Variants in HSD17B12 observed in about 807,000 individuals in gnomAD.
HSD17B12 encodes hydroxysteroid 17-beta dehydrogenase 12, also known as very-long-chain 3-oxoacyl-CoA reductase.
HSD17B12 carries 32 observed loss-of-function variants against 39.3 expected under a neutral mutation model. That is an observed-to-expected ratio of 0.81 (90% confidence interval 0.61 to 1.09). The LOEUF (loss-of-function observed/expected upper bound fraction) is 1.09. HSD17B12 is among the 50% of genes least tolerant of loss of function. HSD17B12 has a pLI of 0.00. For synonymous variants in HSD17B12, 150 were observed against 146.7 expected (o/e 1.02, Z -0.16); for missense variants, 342 against 382.9 (o/e 0.89, Z 0.89).
At chr11:43,594,478 A>C in the HSD17B12 span, among the ~76,000 whole-genome samples, 2 of 151,790 alleles carry the variant, frequency 1.3e-5, no homozygotes, top group African/African-American at 4.8e-5. Flanking sequence ...AAAATATTCT[A>C]TTAAATTTTT....
chr11:43,631,541 CTG>C, the HSD17B12 span, among the ~76,000 whole-genome samples: 12 of 151,316 alleles, frequency 7.9e-5, no homozygotes, highest in Non-Finnish European at 7.4e-5. Flanking sequence ...TTCTCTCTCT[CTG>C]TGTGTGTGTG....
intron 9 of HSD17B12, among the ~76,000 whole-genome samples, chr11:43,850,780 G>A (rs1056715488): frequency 6.6e-6 from 1 of 152,144 alleles, no homozygotes; most frequent in Non-Finnish European, 1.5e-5. Flanking sequence ...CCAAGTTGTC[G>A]GGCCTGGTGC....
At chr11:43,845,234 T>C (rs1280369615) in intron 9 of HSD17B12, among the ~76,000 whole-genome samples, 2 of 152,234 alleles carry the variant, frequency 1.3e-5, no homozygotes, top group African/African-American at 4.8e-5. Flanking sequence ...TTCTCCCGCA[T>C]TGGCTTCCCA....
intron 10 of HSD17B12, 46 bp downstream of exon 10, chr11:43,854,910 G>T (rs1323687525): frequency 6.3e-7 from 1 of 1,595,790 alleles, no homozygotes; most frequent in African/African-American, 1.3e-5. Context: ...CTGGCTTGGG[G>T]TTTCTTTCCC....
chr11:43,671,374 T>C, the HSD17B12 span, among the ~76,000 whole-genome samples: 5 of 152,148 alleles, frequency 3.3e-5, no homozygotes, highest in African/African-American at 1.2e-4. Flanking sequence ...AGAGACGGGG[T>C]TTCGCCATGT....
chr11:43,792,914 A>G (rs1950881461), intron 3 of HSD17B12, among the ~76,000 whole-genome samples: 1 of 152,156 alleles, frequency 6.6e-6, no homozygotes, highest in South Asian at 2.1e-4. Flanking sequence ...GGAGGAATTC[A>G]AGAAGTATTG....
At chr11:43,660,261 A>G in the HSD17B12 span, among the ~76,000 whole-genome samples, 2 of 152,186 alleles carry the variant, frequency 1.3e-5, no homozygotes, top group African/African-American at 4.8e-5. Flanking sequence ...TGGTTGTCCA[A>G]GAACCATTCA....
At chr11:43,794,424 G>T (rs1378507019) in intron 3 of HSD17B12, among the ~76,000 whole-genome samples, 2 of 152,158 alleles carry the variant, frequency 1.3e-5, no homozygotes, top group Non-Finnish European at 2.9e-5. Context: ...GACTAAACAG[G>T]TGAGGATAAG....
At chr11:43,782,546 C>T (rs976535330) in intron 3 of HSD17B12, among the ~76,000 whole-genome samples, 2 of 151,612 alleles carry the variant, frequency 1.3e-5, no homozygotes, top group Non-Finnish European at 2.9e-5. Flanking sequence ...GGGTGTGGCA[C>T]GAGCCTGTAG....
intron 7 of HSD17B12, among the ~76,000 whole-genome samples, chr11:43,837,348 T>C (rs1951381093): frequency 6.6e-6 from 1 of 152,008 alleles, no homozygotes; most frequent in Non-Finnish European, 1.5e-5. Context: ...GAACCTAGTA[T>C]GGGAGATAGG....
the HSD17B12 span, among the ~76,000 whole-genome samples, chr11:43,613,080 A>T: frequency 1.3e-5 from 2 of 152,180 alleles, no homozygotes; most frequent in African/African-American, 4.8e-5. Context: ...CAGATCAATG[A>T]GAAAGCCATT....
chr11:43,690,927 A>G (rs1949856736), intron 1 of HSD17B12, among the ~76,000 whole-genome samples: 1 of 152,218 alleles, frequency 6.6e-6, no homozygotes, highest in Non-Finnish European at 1.5e-5. Context: ...TACTATAGAA[A>G]TGATAGCAGA....
intron 6 of HSD17B12, among the ~76,000 whole-genome samples, chr11:43,821,547 A>G (rs1951183208): frequency 6.6e-6 from 1 of 152,212 alleles, no homozygotes; most frequent in Non-Finnish European, 1.5e-5. Flanking sequence ...GAACCTCAAG[A>G]CATTGAACCA....
chr11:43,673,532 A>C, the HSD17B12 span: 2 of 93,096 alleles, frequency 2.1e-5, no homozygotes, highest in Non-Finnish European at 3.9e-5. Flanking sequence ...TCACTTTGTT[A>C]CCCAGGCTGG....
chr11:43,690,383 TA>T (rs1565049638), intron 1 of HSD17B12, among the ~76,000 whole-genome samples: 201 of 13,612 alleles, frequency 0.015, 23 homozygotes, highest in African/African-American at 0.04. Flanking sequence ...TATATATATA[TA>T]TATATATATA....
chr11:43,681,090 A>G (rs1949739785), intron 1 of HSD17B12, 103 bp downstream of exon 1: 3 of 1,389,538 alleles, frequency 2.2e-6, no homozygotes, highest in East Asian at 2.9e-5. Flanking sequence ...TCCCCTCCCC[A>G]GCTCTCCTCT....
rs1170599335 is a variant in HSD17B12 at position 43,833,700 on chromosome 11, A to G, written c.536+2690A>G. The G allele has an allele frequency of 2.0e-5, 3 of 152,298 alleles. 1 individual carries two copies. Among genetic ancestry groups the G allele is most frequent in the South Asian group, 4.1e-4 (2 of 4,832 alleles). The allele number at this position is 152,298 out of a possible 1,614,324, so 9.4% of individuals were successfully genotyped here. On this transcript the variant is annotated intron_variant, in intron 7 of 10. Coordinates refer to ENST00000278353, the MANE Select transcript of HSD17B12 (RefSeq NM_016142.3). ...TATGGCTGGTTTCCATAGCATTAGT[A>G]TCTCCATTGAGTAACAGCAGAGTCC... is the stretch of plus-strand genomic sequence containing the variant.
chr11:43,843,795 C>T lies in HSD17B12; in HGVS notation c.684+3731C>T, dbSNP rs574720314. 4.6e-5 allele frequency among the ~76,000 whole-genome samples: 7 copies of T among 152,306 alleles called. No individual in the cohort carries two copies. In the South Asian group the frequency reaches 8.3e-4, roughly 18 times the overall value. On this transcript the variant is annotated intron_variant, in intron 9 of 10. Transcript: ENST00000278353. Reference sequence around the variant, plus strand: ...TTGGTTAGGCCTTTCTTTGGGCTCTCGTTGGAGCTCCTTGTATACCTCTGC... The same window carrying T: ...TTGGTTAGGCCTTTCTTTGGGCTCTTGTTGGAGCTCCTTGTATACCTCTGC...
At chr11:43,810,402 T>TATATAA (rs1243655702) in intron 4 of HSD17B12, among the ~76,000 whole-genome samples, 1 of 70,160 alleles carries the variant, frequency 1.4e-5, no homozygotes, top group Non-Finnish European at 3.1e-5. Flanking sequence ...TATATATATA[T>TATATAA]AAAATTCAGA....
Sources: gnomAD v4.1 joint callset for allele counts (sites outside exome capture counted in the v4.1 genomes callset) on GRCh38, gnomAD v4.1.1 for gene constraint, MANE v1.5 for transcripts, NCBI Gene and HGNC (gene_info 2026-07-23, HGNC 2026-07-21) for gene names.